Variants in PAK6 observed in about 807,000 individuals in gnomAD.
PAK6 encodes p21 (RAC1) activated kinase 6, also known as serine/threonine-protein kinase PAK 6.
PAK6 carries 33 observed loss-of-function variants against 60.8 expected under a neutral mutation model. The observed-to-expected ratio is 0.54, with a 90% confidence interval of 0.41 to 0.73. The LOEUF is 0.73. Among genes scored for constraint, PAK6 ranks in the 30% least tolerant of loss-of-function variants. PAK6 has a pLI of 0.00. For synonymous variants in PAK6, 404 were observed against 378.5 expected (o/e 1.07, Z -0.78); for missense variants, 845 against 904.1 (o/e 0.93, Z 0.84).
intron 2 of PAK6, chr15:40,246,624 GC>G (rs1331913384): frequency 6.6e-6 from 1 of 152,212 alleles, no homozygotes; most frequent in Admixed American, 6.5e-5. Flanking sequence ...CCTAGCAGAG[GC>G]TGTTGTACCA....
intron 7 of PAK6, 108 bp downstream of exon 7, chr15:40,273,107 C>A: frequency 2.1e-6 from 3 of 1,400,126 alleles, no homozygotes; most frequent in Admixed American, 2.1e-5. Context: ...GATGCCTGGG[C>A]TCCCCTGCCT....
chr15:40,260,752 T>C (rs1046829931), intron 3 of PAK6, among the ~76,000 whole-genome samples: 5 of 152,230 alleles, frequency 3.3e-5, no homozygotes, highest in African/African-American at 1.2e-4. Context: ...CTTTACAGTA[T>C]TGAACCTTCT....
At position 40,253,307 on chromosome 15, in the gene PAK6, C is replaced by T. The variant is rs1280012815; in HGVS notation, c.-6+18C>T. 1 of 454,878 alleles carries T rather than the reference C, an allele frequency of 2.2e-6. No homozygotes were observed. The highest frequency in any genetic ancestry group is 2.3e-5 in the Admixed American group (1 of 42,564). The allele number at this position is 454,878 out of a possible 1,614,324, so 28.2% of individuals were successfully genotyped here. ...GCCGGAAGGTGAGTGAGCGAGCGGC[C>T]CCCGGCCCTAGAGCCTTCTGCACCC... is the stretch of plus-strand genomic sequence containing the variant. On this transcript the variant is annotated intron_variant, in intron 3 of 10. Coordinates refer to ENST00000560346, the Ensembl canonical transcript of PAK6.
At chr15:40,257,581 C>T (rs1203496683) in intron 3 of PAK6, among the ~76,000 whole-genome samples, 1 of 152,240 alleles carries the variant, frequency 6.6e-6, no homozygotes, top group Non-Finnish European at 1.5e-5. Context: ...TCTGGAAATG[C>T]CAGAGCATGT....
At chr15:40,272,375 C>T (rs3743137) in exon 6 of PAK6, 190,461 of 1,613,642 alleles carry the variant, frequency 0.12, 11,984 homozygotes, top group South Asian at 0.15. Flanking sequence ...CGCACAGCCC[C>T]GGCCACAGGC....
At chr15:40,274,886 G>A (rs1046915540) in intron 10 of PAK6, among the ~76,000 whole-genome samples, 1 of 152,188 alleles carries the variant, frequency 6.6e-6, no homozygotes, top group Non-Finnish European at 1.5e-5. Flanking sequence ...AAGTGGCACC[G>A]CCATCTGGTG....
intron 2 of PAK6, among the ~76,000 whole-genome samples, chr15:40,250,336 C>T (rs1188830316): frequency 6.6e-6 from 1 of 152,184 alleles, no homozygotes; most frequent in Non-Finnish European, 1.5e-5. Context: ...TGCAGCTGAA[C>T]CTCATGTAGA....
intron 3 of PAK6, among the ~76,000 whole-genome samples, chr15:40,253,647 G>A (rs533734639): frequency 2.9e-4 from 44 of 152,372 alleles, no homozygotes; most frequent in Non-Finnish European, 5.6e-4. Context: ...AGGAAGGGTG[G>A]TGGCAGGCCC....
At chr15:40,276,016 C>T (rs771376083) in exon 11 of PAK6, 1 of 1,613,772 alleles carries the variant, frequency 6.2e-7, no homozygotes, top group Admixed American at 1.7e-5. Flanking sequence ...TAGACCACCC[C>T]TTCCTGCTGC....
intron 5 of PAK6, 183 bp downstream of exon 5, chr15:40,266,678 C>G (rs565288839): frequency 3.8e-6 from 2 of 521,628 alleles, no homozygotes; most frequent in East Asian, 6.4e-5. Context: ...CCTTCCCTCC[C>G]TTCCTTTCCT....
chr15:40,267,270 G>A (rs1225881747), intron 5 of PAK6, among the ~76,000 whole-genome samples: 1 of 152,152 alleles, frequency 6.6e-6, no homozygotes. Flanking sequence ...CATCGGTGGG[G>A]TGAGTGTGGC....
rs1396065343 is a variant in PAK6 at position 40,264,765 on chromosome 15, T to A, written c.-5-16T>A. On this transcript the variant is annotated splice_polypyrimidine_tract_variant and intron_variant, in intron 3 of 10. Coordinates refer to ENST00000560346, the Ensembl canonical transcript of PAK6. Reference sequence around the variant, plus strand: ...TCTTTCCCGGGAGGGAGCTCAACCTTACTCTGCACTTACAGGCACCATGTT... The same window carrying A: ...TCTTTCCCGGGAGGGAGCTCAACCTAACTCTGCACTTACAGGCACCATGTT... The A allele has an allele frequency of 6.2e-7, 1 of 1,612,414 alleles. No individual in the cohort carries two copies. The highest frequency in any genetic ancestry group is 2.2e-5 in the East Asian group (1 of 44,880).
At chr15:40,252,515 G>A (rs1340059443) in intron 2 of PAK6, 7 of 1,363,194 alleles carry the variant, frequency 5.1e-6, no homozygotes, top group Non-Finnish European at 4.9e-6. Context: ...TGGGTTCGCC[G>A]CCGCGTCCTA....
exon 11 of PAK6, chr15:40,276,110 G>A: frequency 6.2e-7 from 1 of 1,611,364 alleles, no homozygotes; most frequent in Non-Finnish European, 8.5e-7. Context: ...CCCCAAGTAT[G>A]CCTGCCACCT....
chr15:40,264,872 A>G, exon 4 of PAK6: 1 of 1,613,976 alleles, frequency 6.2e-7, no homozygotes, highest in South Asian at 1.1e-5. Context: ...TCGACCCCAA[A>G]GAAGGCAAGT....
intron 3 of PAK6, among the ~76,000 whole-genome samples, chr15:40,262,509 AAACAAC>A (rs146960601): frequency 8.0e-5 from 12 of 150,008 alleles, no homozygotes; most frequent in Admixed American, 3.3e-4. Context: ...TCCTTCTCAA[AAACAAC>A]AACAACAACA....
chr15:40,264,585 TTTG>T (rs2039069243), intron 3 of PAK6, 193 bp from the exon 4 acceptor site: 1 of 631,080 alleles, frequency 1.6e-6, no homozygotes, highest in Non-Finnish European at 2.8e-6. Context: ...TTATGGCACG[TTTG>T]TTGTTTCTGG....
At chr15:40,258,458 A>G (rs953631693) in intron 3 of PAK6, 4 of 152,244 alleles carry the variant, frequency 2.6e-5, no homozygotes, top group Non-Finnish European at 5.9e-5. Flanking sequence ...GGATTTGTGG[A>G]TAACAATTCC....
rs1194761671 is a variant in PAK6, at chr15:40,249,117, T to C, written c.-117-4061T>C. Among the ~76,000 whole-genome samples, 10 of 152,184 alleles carry C rather than the reference T, an allele frequency of 6.6e-5. No homozygotes were observed. The East Asian group carries it at 1.3e-3, about 21-fold the overall frequency. ...TCCAGGTTCAGAGCTGGCTGTCTTT[T>C]TGCTATAACCTCACATGATGGAAAG... On this transcript the variant is annotated intron_variant, in intron 2 of 10. Transcript: ENST00000560346.
Sources: allele counts gnomAD v4.1 joint callset (sites outside exome capture counted in the v4.1 genomes callset), GRCh38; gene constraint gnomAD v4.1.1; transcripts MANE v1.5; gene names NCBI Gene and HGNC (gene_info 2026-07-23, HGNC 2026-07-21).